SAXO1: variants seen among roughly 807,000 people sequenced by gnomAD.
SAXO1 encodes 4930500O09Rik.
SAXO1 carries 21 observed loss-of-function variants against 17.5 expected under a neutral mutation model. The ratio of observed to expected loss-of-function variants is 1.20; its 90% CI spans 0.85 to 1.72. The LOEUF (loss-of-function observed/expected upper bound fraction) is 1.72. SAXO1 is among the 40% of genes most tolerant of loss of function. SAXO1 has a pLI of 0.00. For missense variants in SAXO1, 843 were observed against 596.0 expected, an observed-to-expected ratio of 1.41 and a Z score of -4.32; for synonymous variants, 274 against 216.5, an observed-to-expected ratio of 1.27 and a Z score of -2.33.
chr9:18,929,156 G>A (rs1830926073), intron 3 of SAXO1, 101 bp from the exon 4 acceptor site: 9 of 1,309,508 alleles, frequency 6.9e-6, no homozygotes, highest in African/African-American at 1.5e-5. Context: ...CCGATGAAGT[G>A]TTCTTTGAGA....
intron 1 of SAXO1, among the ~76,000 whole-genome samples, chr9:19,047,122 G>A (rs530636863): frequency 1.3e-5 from 2 of 152,356 alleles, no homozygotes; most frequent in East Asian, 3.9e-4. Context: ...GGGAGGCGGA[G>A]GTTGCAGTAA....
intron 1 of SAXO1, among the ~76,000 whole-genome samples, chr9:18,966,146 C>T (rs147340768): frequency 2.6e-5 from 4 of 152,312 alleles, no homozygotes; most frequent in African/African-American, 9.6e-5. Context: ...TGTGGGCAAC[C>T]CAACCTTTCT....
chr9:18,974,708 T>TAC (rs1031660450), intron 1 of SAXO1, among the ~76,000 whole-genome samples: 7 of 152,158 alleles, frequency 4.6e-5, no homozygotes, highest in African/African-American at 1.7e-4. Flanking sequence ...GAGATATATA[T>TAC]ATACATGTAT....
At chr9:19,024,731 C>G (rs1037094168) in intron 1 of SAXO1, among the ~76,000 whole-genome samples, 1 of 152,240 alleles carries the variant, frequency 6.6e-6, no homozygotes, top group East Asian at 1.9e-4. Context: ...TCCCACCCCT[C>G]ACATCCTACA....
chr9:19,048,359 A>T (rs968505925), intron 1 of SAXO1, among the ~76,000 whole-genome samples: 3 of 152,094 alleles, frequency 2.0e-5, no homozygotes, highest in Non-Finnish European at 4.4e-5. Flanking sequence ...TGGGGGACTG[A>T]GGCAGGAGAA....
intron 1 of SAXO1, among the ~76,000 whole-genome samples, chr9:19,020,699 G>C (rs1563986072): frequency 6.6e-6 from 1 of 152,138 alleles, no homozygotes; most frequent in Admixed American, 6.5e-5. Context: ...TATTATGCTT[G>C]CTATGTTCTT....
chr9:19,003,630 A>G (rs1339904326), intron 1 of SAXO1, among the ~76,000 whole-genome samples: 1 of 152,238 alleles, frequency 6.6e-6, no homozygotes, highest in East Asian at 1.9e-4. Context: ...CCTGACAAAA[A>G]TAAGCAATGG....
At chr9:18,965,921 T>A (rs535352073) in intron 1 of SAXO1, among the ~76,000 whole-genome samples, 3 of 152,234 alleles carry the variant, frequency 2.0e-5, no homozygotes, top group African/African-American at 7.2e-5. Flanking sequence ...CTTCAGGAGC[T>A]GTTGTAAGGC....
At chr9:18,943,236 C>T (rs773526342) in intron 2 of SAXO1, among the ~76,000 whole-genome samples, 1 of 152,208 alleles carries the variant, frequency 6.6e-6, no homozygotes, top group Non-Finnish European at 1.5e-5. Flanking sequence ...CAGTTGAACT[C>T]CCCTAACACC....
intron 1 of SAXO1, among the ~76,000 whole-genome samples, chr9:18,959,706 G>A (rs944920057): frequency 6.6e-6 from 1 of 151,942 alleles, no homozygotes; most frequent in South Asian, 2.1e-4. Context: ...GGGAGGCGGA[G>A]GTTGCAATGA....
At chr9:19,012,135 C>T (rs985485629) in intron 1 of SAXO1, among the ~76,000 whole-genome samples, 2 of 152,034 alleles carry the variant, frequency 1.3e-5, no homozygotes, top group Non-Finnish European at 2.9e-5. Flanking sequence ...TGAGCCACCA[C>T]GCCCGGCAAG....
chr9:19,042,972 G>C (rs541510110), intron 1 of SAXO1, among the ~76,000 whole-genome samples: 3 of 151,872 alleles, frequency 2.0e-5, no homozygotes, highest in Non-Finnish European at 4.4e-5. Flanking sequence ...GGGAGTTTGA[G>C]ACCACGCTGG....
chr9:19,016,798 CTT>C (rs34423268), intron 1 of SAXO1, among the ~76,000 whole-genome samples: 39 of 111,278 alleles, frequency 3.5e-4, no homozygotes, highest in East Asian at 4.9e-4. Context: ...TAACATCTGA[CTT>C]TTTTTTTTTT....
intron 1 of SAXO1, among the ~76,000 whole-genome samples, chr9:18,955,039 G>C (rs1832201309): frequency 2.0e-5 from 3 of 152,062 alleles, no homozygotes; most frequent in African/African-American, 2.4e-5. Context: ...CACATTAGAA[G>C]GGTAAAAAAA....
At chr9:19,030,621 G>A (rs557261595) in intron 1 of SAXO1, among the ~76,000 whole-genome samples, 22 of 152,102 alleles carry the variant, frequency 1.4e-4, no homozygotes, top group African/African-American at 3.4e-4. Flanking sequence ...CAGGAGAATC[G>A]TTTGAACCCA....
intron 1 of SAXO1, among the ~76,000 whole-genome samples, chr9:19,000,500 T>G (rs1194242072): frequency 3.3e-5 from 5 of 150,898 alleles, no homozygotes; most frequent in African/African-American, 1.2e-4. Context: ...CTGCCCTGTC[T>G]GGGAAGTGAG....
chr9:18,995,993 C>T lies in SAXO1; in HGVS notation c.38+36878G>A, dbSNP rs2152463. Among the ~76,000 whole-genome samples the T allele has an allele frequency of 1.6e-3, 245 of 151,150 alleles. 1 individual carries two copies. Among genetic ancestry groups the T allele is most frequent in the African/African-American group, 5.3e-3 (217 of 41,062 alleles). On this transcript the variant is annotated intron_variant, in intron 1 of 3. Coordinates refer to ENST00000380534, the MANE Select transcript of SAXO1 (RefSeq NM_153707.4). The stretch of plus-strand genomic sequence containing the variant: ...ATTCGGGAGGCTGGGGCAGGAGAAT[C>T]GCTTGAATCCAGGAGGTGGAGGTTG...
intron 1 of SAXO1, among the ~76,000 whole-genome samples, chr9:18,975,726 C>T (rs571342351): frequency 1.3e-5 from 2 of 152,318 alleles, no homozygotes; most frequent in African/African-American, 2.4e-5. Context: ...TTGGTTCAAA[C>T]CCCATGCTTT....
rs1250046943 is a variant in SAXO1, at chr9:18,950,930, G to A, written c.46C>T (p.His16Tyr). The change falls in exon 2 of 4, where the codon CAC becomes TAC. Residue 16 changes from histidine (H) to tyrosine (Y), a missense_variant. Coordinates refer to ENST00000380534, the MANE Select transcript of SAXO1 (RefSeq NM_153707.4). ...ATCTTGGTAGGGAGATGTGGACAGTGATGCCGCCTATAAAAGACACAGAGT... is the reference window on the plus strand; with the variant it reads ...ATCTTGGTAGGGAGATGTGGACAGTAATGCCGCCTATAAAAGACACAGAGT... ...ICELCSCGRH[H>Y]CPHLPTKIYD... 2 of 1,611,270 alleles carry A rather than the reference G, an allele frequency of 1.2e-6. No individual in the cohort carries two copies. Among genetic ancestry groups the A allele is most frequent in the African/African-American group, 2.7e-5 (2 of 74,828 alleles).
Sources: allele counts gnomAD v4.1 joint callset (sites outside exome capture counted in the v4.1 genomes callset), GRCh38; gene constraint gnomAD v4.1.1; transcripts MANE v1.5; gene names NCBI Gene and HGNC (gene_info 2026-07-23, HGNC 2026-07-21).